The following CTNNBL1 variants were observed in gnomAD, a reference collection of about 807,000 sequenced individuals.
CTNNBL1 encodes beta-catenin-like protein 1.
CTNNBL1 carries 31 observed loss-of-function variants against 72.7 expected under a neutral mutation model. The observed-to-expected ratio is 0.43, with a 90% CI of 0.32 to 0.58. The LOEUF is 0.58. CTNNBL1 is among the 20% of genes least tolerant of loss of function. CTNNBL1 has a pLI of 0.08. For missense variants in CTNNBL1, 534 were observed against 725.1 expected (o/e 0.74, Z 3.03); for synonymous variants, 240 against 267.3 (o/e 0.90, Z 1.00).
chr20:37,718,120 G>C (rs1418936335), intron 1 of CTNNBL1, among the ~76,000 whole-genome samples: 1 of 151,368 alleles, frequency 6.6e-6, no homozygotes, highest in Admixed American at 6.7e-5. Flanking sequence ...ATGAGCTGTT[G>C]GGTACACCTC....
At chr20:37,833,489 C>T (rs919429882) in intron 11 of CTNNBL1, among the ~76,000 whole-genome samples, 1 of 152,164 alleles carries the variant, frequency 6.6e-6, no homozygotes, top group Non-Finnish European at 1.5e-5. Context: ...CACCTAGATG[C>T]CAGGCTACCT....
chr20:37,769,144 G>A (rs769834311), intron 7 of CTNNBL1, among the ~76,000 whole-genome samples: 17 of 152,204 alleles, frequency 1.1e-4, no homozygotes, highest in Non-Finnish European at 2.2e-4. Context: ...GAATTTATCT[G>A]TAGTTTCAGG....
At chr20:37,804,866 G>T (rs183879810) in intron 11 of CTNNBL1, among the ~76,000 whole-genome samples, 18 of 152,336 alleles carry the variant, frequency 1.2e-4, no homozygotes, top group Admixed American at 9.1e-4. Flanking sequence ...TAGAGTAACC[G>T]CATTAGGCAT....
At chr20:37,849,883 A>C (rs6096513) in intron 13 of CTNNBL1, among the ~76,000 whole-genome samples, 58,678 of 152,178 alleles carry the variant, frequency 0.39, 11,626 homozygotes, top group Admixed American at 0.5. Flanking sequence ...TGAGAATAAC[A>C]GTACCTATCA....
intron 4 of CTNNBL1, among the ~76,000 whole-genome samples, chr20:37,747,206 T>C (rs889262688): frequency 6.6e-6 from 1 of 152,002 alleles, no homozygotes; most frequent in Non-Finnish European, 1.5e-5. Context: ...AGCGAAACCC[T>C]ATCTCTAAAA....
intron 1 of CTNNBL1, among the ~76,000 whole-genome samples, chr20:37,698,570 C>T (rs909830236): frequency 1.3e-5 from 2 of 152,208 alleles, no homozygotes; most frequent in South Asian, 2.1e-4. Context: ...TGGCCCTTAT[C>T]TCAGAATCCT....
chr20:37,806,524 CAA>C (rs1046260324), intron 11 of CTNNBL1, among the ~76,000 whole-genome samples: 2 of 152,132 alleles, frequency 1.3e-5, no homozygotes, highest in Non-Finnish European at 2.9e-5. Context: ...CTGTATTAGA[CAA>C]AAGAGTCATA....
rs769335269 is a variant in CTNNBL1, at chr20:37,777,619, C to T, written c.824-35C>T. On this transcript the variant is annotated intron_variant, in intron 8 of 15. Transcript: ENST00000361383. ...GGCTGTAAAATCTGACAGTTAGGTT[C>T]ATTTTTTTTCTTCCTCTATTTTTTT... The T allele has an allele frequency of 5.6e-6, 9 of 1,600,044 alleles. No individual in the cohort carries two copies. In the Admixed American group the frequency reaches 1.5e-4, roughly 27 times the overall value.
Position 37,871,947 on chromosome 20 carries a change from C to T in CTNNBL1, c.1626C>T (p.Asp542=), listed in dbSNP as rs776183720. The T allele has an allele frequency of 1.6e-5, 26 of 1,613,888 alleles. No homozygotes were observed. Among genetic ancestry groups the T allele is most frequent in the South Asian group, 4.4e-5 (4 of 91,084 alleles). ...IIKEYAENIG[D]GRSPEFRENE... ...TAGAGTATGCAGAGAACATCGGGGA[C>T]GGCCGGAGCCCGGAGTTCCGGGAGA... Residue 542 remains aspartate, a synonymous_variant, in exon 16 of 16, where the codon GAC becomes GAT. Transcript: ENST00000361383.
intron 11 of CTNNBL1, among the ~76,000 whole-genome samples, chr20:37,827,013 C>G (rs2072166320): frequency 6.6e-6 from 1 of 152,230 alleles, no homozygotes; most frequent in South Asian, 2.1e-4. Flanking sequence ...CCTCCCTGTG[C>G]CTCACAGAGG....
intron 10 of CTNNBL1, among the ~76,000 whole-genome samples, chr20:37,787,184 T>C (rs1167559882): frequency 6.6e-6 from 1 of 151,404 alleles, no homozygotes; most frequent in African/African-American, 2.4e-5. Flanking sequence ...GTGCAGTGGC[T>C]GTTCACAGGA....
At position 37,811,265 on chromosome 20, in the gene CTNNBL1, G is replaced by A. The variant is rs115696574; in HGVS notation, c.1213+8217G>A. On this transcript the variant is annotated intron_variant, in intron 11 of 15. Transcript: ENST00000361383. The stretch of plus-strand genomic sequence containing the variant: ...GCTATAAACAGAGGATTCAGAGGCT[G>A]TTGCCACCACCCCTGTGCCCATATT... Among the ~76,000 whole-genome samples the A allele has an allele frequency of 3.1e-3, 466 of 152,266 alleles. 5 individuals are homozygous for A. The highest frequency in any genetic ancestry group is 0.01 in the African/African-American group (416 of 41,556).
chr20:37,794,498 T>C (rs1452189943), intron 10 of CTNNBL1, among the ~76,000 whole-genome samples: 2 of 152,076 alleles, frequency 1.3e-5, no homozygotes, highest in Non-Finnish European at 2.9e-5. Context: ...TTTTGCTTTT[T>C]GTTTGTGTTT....
At chr20:37,747,378 C>CAAAAAAA (rs11476313) in intron 4 of CTNNBL1, among the ~76,000 whole-genome samples, 1 of 42,928 alleles carries the variant, frequency 2.3e-5, no homozygotes, top group Non-Finnish European at 4.4e-5. Context: ...GACTCCATCT[C>CAAAAAAA]AAAAAAAAAA....
chr20:37,840,554 G>A (rs1009402220), intron 12 of CTNNBL1, among the ~76,000 whole-genome samples: 2 of 152,190 alleles, frequency 1.3e-5, no homozygotes, highest in African/African-American at 2.4e-5. Flanking sequence ...ACCTGTTTTC[G>A]CTGCTTTTGA....
At chr20:37,829,742 T>C (rs1262082552) in intron 11 of CTNNBL1, among the ~76,000 whole-genome samples, 1 of 152,200 alleles carries the variant, frequency 6.6e-6, no homozygotes, top group Non-Finnish European at 1.5e-5. Context: ...CTACCTTTCC[T>C]ACCATTCTTA....
At position 37,789,157 on chromosome 20, in the gene CTNNBL1, A is replaced by G. The variant is rs149125960; in HGVS notation, c.1031+9822A>G. On this transcript the variant is annotated intron_variant, in intron 10 of 15. Transcript: ENST00000361383. ...TTTGCTCACATTAGTGTCTTGATAAATGAAAAGAAAAGATGAGGTAAGGGT... is the reference window on the plus strand; with the variant it reads ...TTTGCTCACATTAGTGTCTTGATAAGTGAAAAGAAAAGATGAGGTAAGGGT... Among the ~76,000 whole-genome samples the G allele has an allele frequency of 1.6e-3, 240 of 152,334 alleles. 1 individual carries two copies. Among genetic ancestry groups the G allele is most frequent in the African/African-American group, 5.6e-3 (231 of 41,574 alleles).
intron 1 of CTNNBL1, among the ~76,000 whole-genome samples, 155 bp from the exon 2 acceptor site, chr20:37,732,724 G>A (rs2073139914): frequency 1.3e-5 from 2 of 152,124 alleles, no homozygotes; most frequent in African/African-American, 2.4e-5. Flanking sequence ...TAGAGTCAGG[G>A]TTTTACCATG....
intron 13 of CTNNBL1, among the ~76,000 whole-genome samples, chr20:37,842,807 C>A (rs1449363128): frequency 1.3e-5 from 2 of 152,214 alleles, no homozygotes; most frequent in Non-Finnish European, 2.9e-5. Flanking sequence ...GAAGGGTGAT[C>A]ACAGCGTAGA....
Sources: allele counts gnomAD v4.1 joint callset (sites outside exome capture counted in the v4.1 genomes callset), GRCh38; gene constraint gnomAD v4.1.1; transcripts MANE v1.5; gene names NCBI Gene and HGNC (gene_info 2026-07-23, HGNC 2026-07-21).